The following SLC22A24 variants were observed in gnomAD, a reference collection of about 807,000 sequenced individuals.
The protein encoded by SLC22A24 is solute carrier family 22 member 24.
A neutral mutation model predicts 49.8 loss-of-function variants in SLC22A24; 53 were observed. The ratio of observed to expected loss-of-function variants is 1.06; its 90% confidence interval spans 0.85 to 1.34. The LOEUF is 1.34. Among genes scored for constraint, SLC22A24 ranks in the 40% most tolerant of loss-of-function variants. The pLI is 0.00. For missense variants in SLC22A24, 786 were observed against 675.9 expected (o/e 1.16, Z -1.81); for synonymous variants, 302 against 256.4 (o/e 1.18, Z -1.70).
chr11:63,107,118 G>A (rs1006871858), intron 4 of SLC22A24, among the ~76,000 whole-genome samples: 3 of 152,142 alleles, frequency 2.0e-5, no homozygotes, highest in African/African-American at 7.2e-5. Context: ...TAAGGTGTAA[G>A]GAAGGGATCC....
chr11:63,112,715 G>A (rs1028785416), intron 4 of SLC22A24, among the ~76,000 whole-genome samples: 2 of 151,828 alleles, frequency 1.3e-5, no homozygotes, highest in Admixed American at 6.6e-5. Flanking sequence ...TTTAACTGGG[G>A]CATTTAGCCC....
intron 5 of SLC22A24, among the ~76,000 whole-genome samples, chr11:63,097,906 C>G (rs1466757539): frequency 1.3e-5 from 2 of 151,970 alleles, no homozygotes; most frequent in Non-Finnish European, 2.9e-5. Context: ...GCATCACACA[C>G]CAGGGCCTGT....
intron 2 of SLC22A24, among the ~76,000 whole-genome samples, chr11:63,126,710 C>A (rs4963371): frequency 6.6e-6 from 1 of 152,176 alleles, no homozygotes; most frequent in East Asian, 1.9e-4. Flanking sequence ...TCAGTGGTAG[C>A]TTGATGGGGA....
At chr11:63,092,411 C>A in intron 6 of SLC22A24, among the ~76,000 whole-genome samples, 1 of 147,438 alleles carries the variant, frequency 6.8e-6, no homozygotes. Context: ...GTTCAAATTT[C>A]AAATGGATCA....
At chr11:63,123,556 T>C (rs2087267104) in intron 2 of SLC22A24, among the ~76,000 whole-genome samples, 1 of 152,236 alleles carries the variant, frequency 6.6e-6, no homozygotes. Context: ...GCATGTCTAA[T>C]AGGCAACTCC....
intron 1 of SLC22A24, among the ~76,000 whole-genome samples, chr11:63,142,136 T>A (rs1314403477): frequency 6.6e-6 from 1 of 152,200 alleles, no homozygotes; most frequent in African/African-American, 2.4e-5. Context: ...ATGAGAGTAC[T>A]AATATTTTTG....
rs2086959745 is a variant in SLC22A24 at position 63,081,478 on chromosome 11, TGTCA to T, written c.1394+76_1394+79del. On this transcript the variant is annotated intron_variant, in intron 8 of 9. Transcript: ENST00000612278. Reference sequence around the variant, plus strand: ...GTTAATTCATCTGGCACCTAAACAGTGTCAGTCTTTCATTCACAATGAATATCAA... The same window carrying T: ...GTTAATTCATCTGGCACCTAAACAGTGTCTTTCATTCACAATGAATATCAA... 5 of 957,370 alleles carry T rather than the reference TGTCA, an allele frequency of 5.2e-6. No homozygotes were observed. In the Admixed American group the frequency reaches 1.0e-4, roughly 19 times the overall value. 59.3% of individuals were successfully genotyped at this position (957,370 alleles called of 1,614,324 possible). A position where few individuals can be genotyped will look rare whatever the true frequency, so the allele number is the denominator to read the frequency against.
Position 63,118,933 on chromosome 11 carries a change from A to T in SLC22A24, c.809T>A (p.Ile270Asn). ...ILQLTVSTPIIVLFLSSWKMV... is the reference protein window; with the variant it reads ...ILQLTVSTPINVLFLSSWKMV... ...ATACCAAGAGGACAAGAAGAGGACA[A>T]TTATGGGTGTAGACACAGTCAGTTG... is the stretch of plus-strand genomic sequence containing the variant. The change falls in exon 4 of 10, where the codon ATT (isoleucine) becomes AAT (asparagine). Residue 270 changes from isoleucine (I) to asparagine (N), a missense_variant. Coordinates refer to ENST00000612278, the MANE Select transcript of SLC22A24 (RefSeq NM_001136506.2). The T allele has an allele frequency of 6.4e-7, 1 of 1,552,126 alleles. No homozygotes were observed. Among genetic ancestry groups the T allele is most frequent in the Non-Finnish European group, 8.7e-7 (1 of 1,147,058 alleles).
rs761939293 is a variant in SLC22A24, at chr11:63,143,744, G to A, written c.36C>T (p.Gly12=). The A allele has an allele frequency of 4.1e-6, 6 of 1,477,586 alleles. No individual in the cohort carries two copies. The highest frequency in any genetic ancestry group is 2.4e-5 in the Admixed American group (1 of 41,768). The allele number at this position is 1,477,586 out of a possible 1,614,324, so 91.5% of individuals were successfully genotyped here. Residue 12 remains glycine (G), a synonymous_variant, in exon 1 of 10, where the codon GGC becomes GGT. Coordinates refer to ENST00000612278, the MANE Select transcript of SLC22A24 (RefSeq NM_001136506.2). ...GFDVLLDQVG[G]MGRFQICLIA... ...TCAGACAAATCTGGAATCTCCCCAT[G>A]CCACCCACTTGATCCAGGAGCACAT...
intron 1 of SLC22A24, among the ~76,000 whole-genome samples, chr11:63,142,605 G>A (rs1015239981): frequency 2.0e-5 from 3 of 152,172 alleles, no homozygotes; most frequent in East Asian, 1.9e-4. Flanking sequence ...CACAGCTGGA[G>A]GCTACAAGAT....
chr11:63,138,534 C>T (rs557046436), intron 1 of SLC22A24, among the ~76,000 whole-genome samples: 31 of 150,306 alleles, frequency 2.1e-4, no homozygotes, highest in African/African-American at 4.9e-4. Flanking sequence ...CCCAGCTACT[C>T]GGGAGGCTGA....
chr11:63,087,648 A>G (rs2086995587), intron 6 of SLC22A24, among the ~76,000 whole-genome samples: 1 of 152,192 alleles, frequency 6.6e-6, no homozygotes, highest in South Asian at 2.1e-4. Flanking sequence ...TCCCACTCCC[A>G]TGGAGCCCAG....
At chr11:63,125,913 G>T (rs2087287155) in intron 2 of SLC22A24, among the ~76,000 whole-genome samples, 1 of 152,192 alleles carries the variant, frequency 6.6e-6, no homozygotes, top group African/African-American at 2.4e-5. Flanking sequence ...GACTGGTGAT[G>T]ATGAGCATTT....
chr11:63,089,780 T>C (rs1317744370), intron 6 of SLC22A24, among the ~76,000 whole-genome samples: 1 of 151,730 alleles, frequency 6.6e-6, no homozygotes, highest in African/African-American at 2.4e-5. Flanking sequence ...CCAACGAAGA[T>C]TAAAAAAGAC....
At chr11:63,138,826 C>G (rs1048065526) in intron 1 of SLC22A24, among the ~76,000 whole-genome samples, 1 of 151,032 alleles carries the variant, frequency 6.6e-6, no homozygotes, top group Non-Finnish European at 1.5e-5. Flanking sequence ...TGTAACTTTG[C>G]CATTTAATAA....
intron 1 of SLC22A24, among the ~76,000 whole-genome samples, chr11:63,135,837 T>C (rs2087370357): frequency 6.6e-6 from 1 of 152,190 alleles, no homozygotes. Context: ...AGTGCAGTGG[T>C]GGTTCAAGAA....
intron 5 of SLC22A24, 132 bp downstream of exon 5, chr11:63,104,042 TA>T (rs1189612034): frequency 3.8e-6 from 3 of 784,758 alleles, no homozygotes; most frequent in Non-Finnish European, 5.8e-6. Context: ...AAGATATATA[TA>T]TTTTATCAGG....
intron 2 of SLC22A24, among the ~76,000 whole-genome samples, chr11:63,134,189 C>T (rs2134681034): frequency 6.6e-6 from 1 of 152,200 alleles, no homozygotes; most frequent in Admixed American, 6.5e-5. Flanking sequence ...ACTTATGCTG[C>T]AGGTATGAAA....
In SLC22A24 at chr11:63,095,884, C is replaced by A. The variant is rs1353476296; in HGVS notation, c.1070+107G>T. 1.0e-5 allele frequency: 8 copies of A among 800,256 alleles called. No individual in the cohort carries two copies. In the Admixed American group the frequency reaches 1.2e-4, roughly 12 times the overall value. The allele number at this position is 800,256 out of a possible 1,614,324, so 49.6% of individuals were successfully genotyped here. A position where few individuals can be genotyped will look rare whatever the true frequency, so the allele number is the denominator to read the frequency against. ...ATACATTTGTATGTGATTTTCTCTT[C>A]TCTTATGTATTAAATGTCCTCCAAA... On this transcript the variant is annotated intron_variant, in intron 6 of 9. Transcript: ENST00000612278.
Sources: allele counts gnomAD v4.1 joint callset (sites outside exome capture counted in the v4.1 genomes callset), GRCh38; gene constraint gnomAD v4.1.1; transcripts MANE v1.5; gene names NCBI Gene and HGNC (gene_info 2026-07-23, HGNC 2026-07-21).